Variants in ST3GAL3 observed in about 807,000 individuals in gnomAD.
The protein encoded by ST3GAL3 is CMP-N-acetylneuraminate-beta-1,4-galactoside alpha-2,3-sialyltransferase.
Under a neutral mutation model 50.1 loss-of-function variants are expected in ST3GAL3, and 21 were observed. That is an observed-to-expected ratio of 0.42 (90% confidence interval 0.30 to 0.60). The LOEUF (loss-of-function observed/expected upper bound fraction) is 0.60. ST3GAL3 is among the 20% of genes least tolerant of loss of function. The probability of loss-of-function intolerance (pLI) is 0.19; values close to 1 mark genes in which losing one functional copy is unlikely to be tolerated. For synonymous variants in ST3GAL3, 183 were observed against 190.0 expected (o/e 0.96, Z 0.30); for missense variants, 353 against 489.4 (o/e 0.72, Z 2.63).
At chr1:43,768,251 A>C (rs1370501009) in intron 2 of ST3GAL3, among the ~76,000 whole-genome samples, 2 of 152,164 alleles carry the variant, frequency 1.3e-5, no homozygotes, top group Admixed American at 6.5e-5. Context: ...CCTGGACAAC[A>C]CAGCAAGAGC....
At chr1:43,839,179 T>C (rs1352143917) in intron 5 of ST3GAL3, 1 of 152,452 alleles carries the variant, frequency 6.6e-6, no homozygotes, top group Non-Finnish European at 1.5e-5. Flanking sequence ...CTCCGGTATA[T>C]TTGGTTTTTA....
intron 5 of ST3GAL3, among the ~76,000 whole-genome samples, chr1:43,876,363 A>G (rs1404556724): frequency 6.6e-6 from 1 of 152,158 alleles, no homozygotes; most frequent in African/African-American, 2.4e-5. Context: ...CAGGGATCAT[A>G]AATGATTTGT....
At chr1:43,739,620 C>A (rs1000498971) in intron 2 of ST3GAL3, among the ~76,000 whole-genome samples, 8 of 152,260 alleles carry the variant, frequency 5.3e-5, no homozygotes, top group Admixed American at 3.9e-4. Flanking sequence ...GAACATAGGC[C>A]TTCATACTCT....
At chr1:43,898,847 C>A (rs909578418) in intron 7 of ST3GAL3, among the ~76,000 whole-genome samples, 12 of 152,176 alleles carry the variant, frequency 7.9e-5, no homozygotes, top group Non-Finnish European at 5.9e-5. Flanking sequence ...CACCACTACC[C>A]CTTGGGGAAC....
intron 5 of ST3GAL3, among the ~76,000 whole-genome samples, chr1:43,889,263 AAG>A (rs756322213): frequency 1.1e-4 from 16 of 152,090 alleles, no homozygotes; most frequent in African/African-American, 2.4e-4. Flanking sequence ...ATCAAGAAAA[AAG>A]GATACAATAA....
In ST3GAL3 at chr1:43,765,784, T is replaced by TGC. The variant is rs67184106; in HGVS notation, c.119-26302_119-26301dup. 3.7e-3 allele frequency among the ~76,000 whole-genome samples: 505 copies of TGC among 136,924 alleles called. 1 individual carries two copies. The highest frequency in any genetic ancestry group is 5.4e-3 in the Admixed American group (78 of 14,420). The allele number at this position is 136,924 out of a possible 152,430, so 89.8% of individuals were successfully genotyped here. A position where few individuals can be genotyped will look rare whatever the true frequency, so the allele number is the denominator to read the frequency against. Reference sequence around the variant, plus strand: ...GTGTGTGTGTGTGTGTGTGTGTGTGTGCGCGCGCGCGCGCGCGTCCGCGCG... The same window carrying TGC: ...GTGTGTGTGTGTGTGTGTGTGTGTGTGCGCGCGCGCGCGCGCGCGTCCGCGCG... On this transcript the variant is annotated intron_variant, in intron 2 of 11. Coordinates refer to ENST00000347631, the MANE Select transcript of ST3GAL3 (RefSeq NM_006279.5).
intron 9 of ST3GAL3, among the ~76,000 whole-genome samples, chr1:43,917,596 ATATATAT>A (rs1294794183): frequency 0.063 from 1,228 of 19,554 alleles, 55 homozygotes; most frequent in African/African-American, 0.11. Flanking sequence ...TATATATAAT[ATATATAT>A]TATATATTAT....
chr1:43,908,598 C>T (rs1382946083), intron 9 of ST3GAL3, among the ~76,000 whole-genome samples: 2 of 151,914 alleles, frequency 1.3e-5, no homozygotes, highest in Non-Finnish European at 2.9e-5. Flanking sequence ...ATGATCTGGC[C>T]CCTTCCAAGC....
At chr1:43,772,387 T>C (rs79711950) in intron 2 of ST3GAL3, 2 of 188,118 alleles carry the variant, frequency 1.1e-5, no homozygotes, top group Non-Finnish European at 2.2e-5. Flanking sequence ...ATTTGCTTTT[T>C]GTCATGATGG....
intron 5 of ST3GAL3, among the ~76,000 whole-genome samples, chr1:43,848,504 C>T (rs533240230): frequency 3.3e-5 from 5 of 151,972 alleles, no homozygotes; most frequent in African/African-American, 1.2e-4. Flanking sequence ...GGGGTTTCAC[C>T]ATGTTAGCCA....
intron 5 of ST3GAL3, among the ~76,000 whole-genome samples, chr1:43,851,996 T>C (rs777360839): frequency 6.6e-6 from 1 of 152,228 alleles, no homozygotes; most frequent in Non-Finnish European, 1.5e-5. Flanking sequence ...AAATGCTGTG[T>C]GAAGCATACA....
chr1:43,921,647 G>A (rs2083052171), intron 11 of ST3GAL3: 4 of 398,636 alleles, frequency 1.0e-5, no homozygotes, highest in Non-Finnish European at 1.3e-5. Context: ...CTGTAAGTCT[G>A]GGGGCTCTGG....
At chr1:43,844,665 A>T (rs1438495821) in intron 5 of ST3GAL3, among the ~76,000 whole-genome samples, 2 of 152,116 alleles carry the variant, frequency 1.3e-5, no homozygotes, top group Admixed American at 6.5e-5. Context: ...AAAAAAAATT[A>T]GCCGGGCGTG....
intron 9 of ST3GAL3, among the ~76,000 whole-genome samples, chr1:43,907,389 C>T (rs895032086): frequency 2.0e-5 from 3 of 152,174 alleles, no homozygotes; most frequent in Admixed American, 2.0e-4. Flanking sequence ...AGAGAAGCTA[C>T]AGCCAAGGTG....
At chr1:43,823,110 C>T (rs1295139643) in intron 4 of ST3GAL3, among the ~76,000 whole-genome samples, 3 of 152,114 alleles carry the variant, frequency 2.0e-5, no homozygotes, top group Non-Finnish European at 4.4e-5. Flanking sequence ...CACCATCTCT[C>T]ACCTAATTTT....
At chr1:43,896,110 C>T (rs2077358489) in intron 6 of ST3GAL3, among the ~76,000 whole-genome samples, 1 of 152,030 alleles carries the variant, frequency 6.6e-6, no homozygotes, top group South Asian at 2.1e-4. Flanking sequence ...GGTTTGTTTC[C>T]CTACCCCATT....
intron 5 of ST3GAL3, among the ~76,000 whole-genome samples, chr1:43,867,194 A>G (rs1410809643): frequency 6.6e-6 from 1 of 152,084 alleles, no homozygotes; most frequent in African/African-American, 2.4e-5. Flanking sequence ...CGCAGGAAAG[A>G]CCCACCCCTA....
chr1:43,847,495 C>A (rs1313742339), intron 5 of ST3GAL3, among the ~76,000 whole-genome samples: 4 of 152,102 alleles, frequency 2.6e-5, no homozygotes, highest in Non-Finnish European at 5.9e-5. Flanking sequence ...CATGAATGAA[C>A]CTCGAGGACA....
intron 5 of ST3GAL3, among the ~76,000 whole-genome samples, chr1:43,864,201 C>T (rs2070746396): frequency 6.6e-6 from 1 of 152,180 alleles, no homozygotes. Context: ...TCATTTTGAC[C>T]TGGGAGACGG....
Sources: gnomAD v4.1 joint callset for allele counts (sites outside exome capture counted in the v4.1 genomes callset) on GRCh38, gnomAD v4.1.1 for gene constraint, MANE v1.5 for transcripts, NCBI Gene and HGNC (gene_info 2026-07-23, HGNC 2026-07-21) for gene names.